The following EFTUD2 variants were observed in gnomAD, a reference collection of about 807,000 sequenced individuals.
EFTUD2 encodes the protein 116 kDa U5 small nuclear ribonucleoprotein component.
A neutral mutation model predicts 114.3 loss-of-function variants in EFTUD2; 9 were observed. The ratio of observed to expected loss-of-function variants is 0.08; its 90% CI spans 0.05 to 0.14. The LOEUF is 0.14. Ranked by LOEUF, EFTUD2 falls within the 10% of genes least tolerant of loss-of-function variation. EFTUD2 has a pLI of 1.00. For synonymous variants in EFTUD2, 449 were observed against 462.3 expected (o/e 0.97, Z 0.37); for missense variants, 765 against 1,241.2 (o/e 0.62, Z 5.76).
At chr17:44,863,805 C>T in intron 14 of EFTUD2, 23 bp from the exon 15 acceptor site, 1 of 1,612,424 alleles carries the variant, frequency 6.2e-7, no homozygotes, top group Non-Finnish European at 8.5e-7. Flanking sequence ...AAGAGAAAGC[C>T]ATTAATACAT....
chr17:44,854,415 A>T lies in EFTUD2; in HGVS notation c.2260-59T>A. On this transcript the variant is annotated intron_variant, in intron 22 of 27. Coordinates refer to ENST00000426333, the MANE Select transcript of EFTUD2 (RefSeq NM_004247.4). The surrounding 1 kb of genome is among the most constrained non-coding windows in gnomAD (Gnocchi z 4.3). ...CCCTGGCAACGGCTGAAGCATTTAGAGGGAGAAGACAGATGTGCCTGTAAG... is the reference window on the plus strand; with the variant it reads ...CCCTGGCAACGGCTGAAGCATTTAGTGGGAGAAGACAGATGTGCCTGTAAG... 1 of 1,592,696 alleles carries T rather than the reference A, an allele frequency of 6.3e-7. No homozygotes were observed. Among genetic ancestry groups the T allele is most frequent in the Non-Finnish European group, 8.6e-7 (1 of 1,166,894 alleles).
rs536652051 is a variant in EFTUD2, at chr17:44,880,403, C to T, written c.619+151G>A. On this transcript the variant is annotated intron_variant, in intron 8 of 27. Coordinates refer to ENST00000426333, the MANE Select transcript of EFTUD2 (RefSeq NM_004247.4). ...GCTTGCTAAATTAACAAGTCAGAAA[C>T]AAAGGAGAGAGTCAAAATGGAAAAT... 86 of 561,602 alleles carry T rather than the reference C, an allele frequency of 1.5e-4. 1 individual carries two copies. The highest frequency in any genetic ancestry group is 1.3e-3 in the African/African-American group (71 of 52,942). 34.8% of individuals were successfully genotyped at this position (561,602 alleles called of 1,614,324 possible).
intron 18 of EFTUD2, 110 bp from the exon 19 acceptor site, chr17:44,859,291 T>C: frequency 1.3e-6 from 1 of 767,674 alleles, no homozygotes. Context: ...AAACAGCTAC[T>C]ACTTAGCATC....
intron 2 of EFTUD2, among the ~76,000 whole-genome samples, chr17:44,887,852 T>C (rs1269085569): frequency 2.0e-5 from 3 of 152,212 alleles, no homozygotes; most frequent in South Asian, 4.1e-4. Flanking sequence ...AATTAACCCA[T>C]AGTCATATGC....
In EFTUD2 at chr17:44,872,590, G is replaced by A. The variant is rs1479104549; in HGVS notation, c.870-20C>T. The A allele has an allele frequency of 3.8e-6, 6 of 1,592,946 alleles. No homozygotes were observed. Among genetic ancestry groups the A allele is most frequent in the Non-Finnish European group, 4.3e-6 (5 of 1,168,286 alleles). ...TACATGCTGAAACAGAGACAGTGGT[G>A]AACACAGTGCCAGGCTGCAGCAGCC... On this transcript the variant is annotated intron_variant, in intron 10 of 27. Transcript: ENST00000426333.
Position 44,855,673 on chromosome 17 carries a change from G to A in EFTUD2, c.2046-669C>T, listed in dbSNP as rs57807738. ...CATCTCTATAAAAAATTAGCCAGCC[G>A]GGTGCGATGGCTCATGCCTGTAATC... On this transcript the variant is annotated intron_variant, in intron 20 of 27. Coordinates refer to ENST00000426333, the MANE Select transcript of EFTUD2 (RefSeq NM_004247.4). Among the ~76,000 whole-genome samples the A allele has an allele frequency of 3.4e-4, 51 of 152,112 alleles. No homozygotes were observed. In the East Asian group the frequency reaches 6.6e-3, roughly 20 times the overall value.
intron 2 of EFTUD2, among the ~76,000 whole-genome samples, chr17:44,887,202 G>T (rs2051190531): frequency 6.6e-6 from 1 of 152,190 alleles, no homozygotes; most frequent in African/African-American, 2.4e-5. Flanking sequence ...TGGAGAAACT[G>T]AAACCTCCCA....
At chr17:44,861,720 T>A (rs1311883488) in intron 16 of EFTUD2, among the ~76,000 whole-genome samples, 2 of 151,474 alleles carry the variant, frequency 1.3e-5, no homozygotes, top group Non-Finnish European at 2.9e-5. Context: ...GGCGACAGAG[T>A]GAGACTCCAT....
intron 4 of EFTUD2, chr17:44,884,128 A>G (rs920830332): frequency 4.3e-5 from 8 of 185,964 alleles, no homozygotes; most frequent in Non-Finnish European, 6.9e-5. Context: ...TTAGGCCGGG[A>G]GCAGAGGCTC....
chr17:44,872,820 C>G (rs769396693), intron 10 of EFTUD2: 12 of 272,858 alleles, frequency 4.4e-5, no homozygotes, highest in Non-Finnish European at 7.7e-5. Context: ...GTTAACTGCA[C>G]CAGACAGACA....
intron 12 of EFTUD2, 40 bp downstream of exon 12, chr17:44,868,247 G>A (rs747587104): frequency 1.1e-5 from 17 of 1,558,566 alleles, no homozygotes; most frequent in Non-Finnish European, 1.4e-5. Flanking sequence ...CTGGGTAAAT[G>A]ATCACCCCTC....
intron 4 of EFTUD2, among the ~76,000 whole-genome samples, chr17:44,884,999 CAGA>C (rs552251044): frequency 5.3e-4 from 81 of 152,292 alleles, no homozygotes; most frequent in African/African-American, 1.9e-3. Context: ...CTGCAATACC[CAGA>C]TCTCTCTTGA....
chr17:44,897,089 G>T (rs575885853), intron 1 of EFTUD2, among the ~76,000 whole-genome samples: 1 of 151,802 alleles, frequency 6.6e-6, no homozygotes, highest in Non-Finnish European at 1.5e-5. Context: ...GGTGGTGGGC[G>T]CCCGTAGTCC....
At chr17:44,869,526 C>T (rs958571087) in intron 11 of EFTUD2, among the ~76,000 whole-genome samples, 3 of 152,174 alleles carry the variant, frequency 2.0e-5, no homozygotes, top group Admixed American at 1.3e-4. Flanking sequence ...TTTTGAACTC[C>T]TGGCCTCAAG....
intron 13 of EFTUD2, 114 bp downstream of exon 13, chr17:44,867,693 T>C: frequency 1.2e-6 from 1 of 867,760 alleles, no homozygotes; most frequent in South Asian, 3.1e-5. Flanking sequence ...CAACCACCCT[T>C]ATACTTGACA....
chr17:44,894,793 A>G (rs770587354), intron 1 of EFTUD2, among the ~76,000 whole-genome samples: 33 of 152,232 alleles, frequency 2.2e-4, no homozygotes, highest in Non-Finnish European at 4.1e-4. Context: ...AAGAAGGAAG[A>G]AAGAAGACAG....
chr17:44,858,218 G>C (rs1044935645), intron 19 of EFTUD2, among the ~76,000 whole-genome samples: 3 of 151,748 alleles, frequency 2.0e-5, no homozygotes, highest in Admixed American at 2.0e-4. Context: ...CACCGTGCTC[G>C]GCCTGTTTTA....
At chr17:44,891,656 ATTCT>A (rs1318098360) in intron 2 of EFTUD2, among the ~76,000 whole-genome samples, 1 of 151,866 alleles carries the variant, frequency 6.6e-6, no homozygotes, top group Non-Finnish European at 1.5e-5. Context: ...TTAGCCCATT[ATTCT>A]TTATTTTAAA....
Position 44,875,981 on chromosome 17 carries a change from A to G in EFTUD2, c.822T>C (p.Ala274=). The G allele has an allele frequency of 2.5e-6, 4 of 1,614,112 alleles. No homozygotes were observed. Among genetic ancestry groups the G allele is most frequent in the Non-Finnish European group, 2.5e-6 (3 of 1,180,034 alleles). The change falls in exon 10 of 28, where the codon GCT becomes GCC. Residue 274 remains alanine (A), a synonymous_variant. Coordinates refer to ENST00000426333, the MANE Select transcript of EFTUD2 (RefSeq NM_004247.4). ...CCACAATGTGGCGCAGCTTGTAATAAGCATCAGTTGGAGGCAGCTTCAGCT... is the reference window on the plus strand; with the variant it reads ...CCACAATGTGGCGCAGCTTGTAATAGGCATCAGTTGGAGGCAGCTTCAGCT... ...ILELKLPPTD[A]YYKLRHIVDE...
Sources: allele counts gnomAD v4.1 joint callset (sites outside exome capture counted in the v4.1 genomes callset), GRCh38; gene constraint gnomAD v4.1.1; non-coding constraint Gnocchi (gnomAD v3.1); transcripts MANE v1.5; gene names NCBI Gene and HGNC (gene_info 2026-07-23, HGNC 2026-07-21).